The following SLC25A48 variants were observed in gnomAD, a reference collection of about 807,000 sequenced individuals.
The protein encoded by SLC25A48 is CTC-321K16.1.
In SLC25A48, 29 loss-of-function variants were observed where a neutral mutation model predicts 32.2. The ratio of observed to expected loss-of-function variants is 0.90; its 90% CI spans 0.67 to 1.23. SLC25A48 has a LOEUF of 1.23. SLC25A48 is among the 50% of genes most tolerant of loss of function. The probability of loss-of-function intolerance (pLI) is 0.00; values close to 1 mark genes in which losing one functional copy is unlikely to be tolerated. For missense variants in SLC25A48, 399 were observed against 422.7 expected, an observed-to-expected ratio of 0.94 and a Z score of 0.49; for synonymous variants, 164 against 172.3, an observed-to-expected ratio of 0.95 and a Z score of 0.38.
intron 1 of SLC25A48, among the ~76,000 whole-genome samples, chr5:135,602,662 G>A (rs1019215087): frequency 6.8e-6 from 1 of 146,008 alleles, no homozygotes. Context: ...TGTGCACAAC[G>A]TGCAGGTTTG....
intron 3 of SLC25A48, among the ~76,000 whole-genome samples, chr5:135,737,518 C>G (rs1755403641): frequency 6.6e-6 from 1 of 152,120 alleles, no homozygotes; most frequent in East Asian, 1.9e-4. Context: ...CTAGCTGAAC[C>G]CTGACCAAGC....
At chr5:135,839,813 T>C (rs1480756343) in intron 1 of SLC25A48, among the ~76,000 whole-genome samples, 1 of 152,184 alleles carries the variant, frequency 6.6e-6, no homozygotes, top group Non-Finnish European at 1.5e-5. Context: ...GTTCTTGTGG[T>C]AGTGAATGAG....
chr5:135,823,141 G>T (rs1236975444), intron 4 of SLC25A48, among the ~76,000 whole-genome samples: 2 of 152,120 alleles, frequency 1.3e-5, no homozygotes, highest in African/African-American at 4.8e-5. Context: ...AGGCCCAGGG[G>T]CTAGGGTGGG....
intron 3 of SLC25A48, among the ~76,000 whole-genome samples, chr5:135,673,594 G>T (rs1212507196): frequency 6.6e-6 from 1 of 151,970 alleles, no homozygotes; most frequent in Non-Finnish European, 1.5e-5. Context: ...AGTTGTAAGA[G>T]TTCTTTACAT....
At chr5:135,885,417 C>A (rs1011240863) in intron 7 of SLC25A48, among the ~76,000 whole-genome samples, 1 of 152,156 alleles carries the variant, frequency 6.6e-6, no homozygotes, top group African/African-American at 2.4e-5. Flanking sequence ...CTCTTACCCC[C>A]AGCATCACCA....
intron 3 of SLC25A48, among the ~76,000 whole-genome samples, chr5:135,719,083 A>G (rs188475411): frequency 5.3e-5 from 8 of 152,356 alleles, no homozygotes; most frequent in Admixed American, 2.0e-4. Flanking sequence ...AAAACTGGGT[A>G]AAGGGTACAC....
At chr5:135,746,204 T>G (rs1010113266) in intron 3 of SLC25A48, 1 of 160,650 alleles carries the variant, frequency 6.2e-6, no homozygotes, top group African/African-American at 2.4e-5. Context: ...TGTGCAGCCT[T>G]TTCCAGGCCT....
rs370337657 is a variant in SLC25A48 at position 135,612,079 on chromosome 5, A to G, written c.-848-17158A>G. Among the ~76,000 whole-genome samples the G allele has an allele frequency of 1.9e-4, 29 of 152,380 alleles. 1 individual carries two copies. The highest frequency in any genetic ancestry group is 6.7e-4 in the African/African-American group (28 of 41,594). ...TCAATATTAGCCACTTGAAAATGCTATAATACAAAATATTTCATTTTAATT... is the reference window on the plus strand; with the variant it reads ...TCAATATTAGCCACTTGAAAATGCTGTAATACAAAATATTTCATTTTAATT... On this transcript the variant is annotated intron_variant, in intron 1 of 10. Coordinates refer to the SLC25A48 transcript ENST00000646290.
chr5:135,883,360 C>T, intron 7 of SLC25A48: 1 of 985,476 alleles, frequency 1.0e-6, no homozygotes, highest in Non-Finnish European at 1.2e-6. Flanking sequence ...GTAAAATAGA[C>T]CCTCCCCCCA....
intron 1 of SLC25A48, among the ~76,000 whole-genome samples, chr5:135,624,076 T>G (rs1477416110): frequency 1.3e-5 from 2 of 152,164 alleles, no homozygotes; most frequent in Admixed American, 1.3e-4. Context: ...GGTTGTTCCA[T>G]GAAATGAGCA....
At chr5:135,859,257 G>T (rs951300549) in intron 4 of SLC25A48, among the ~76,000 whole-genome samples, 1 of 152,162 alleles carries the variant, frequency 6.6e-6, no homozygotes, top group Non-Finnish European at 1.5e-5. Context: ...ATGGCAGAAG[G>T]TGAAGGAGGA....
chr5:135,606,123 T>C (rs1046966718), intron 1 of SLC25A48, among the ~76,000 whole-genome samples: 1 of 152,182 alleles, frequency 6.6e-6, no homozygotes, highest in Non-Finnish European at 1.5e-5. Context: ...GACATGAAAC[T>C]AAGTCAGGGC....
At chr5:135,794,501 T>C (rs1202384604) in intron 3 of SLC25A48, among the ~76,000 whole-genome samples, 15 of 152,010 alleles carry the variant, frequency 9.9e-5, no homozygotes, top group African/African-American at 3.4e-4. Flanking sequence ...TCGCAGTGGG[T>C]GTACACCTTA....
chr5:135,730,233 C>T (rs1171268566), intron 3 of SLC25A48, among the ~76,000 whole-genome samples: 4 of 152,170 alleles, frequency 2.6e-5, no homozygotes, highest in Non-Finnish European at 5.9e-5. Flanking sequence ...GGCTGTGTCT[C>T]CACCCAAATA....
intron 3 of SLC25A48, among the ~76,000 whole-genome samples, chr5:135,756,561 C>T (rs1755911750): frequency 6.6e-6 from 1 of 152,064 alleles, no homozygotes; most frequent in South Asian, 2.1e-4. Context: ...ATCCCAGCTA[C>T]TCGGGAGGCT....
intron 3 of SLC25A48, among the ~76,000 whole-genome samples, chr5:135,770,153 TA>T (rs1375172196): frequency 6.6e-6 from 1 of 151,590 alleles, no homozygotes; most frequent in African/African-American, 2.4e-5. Context: ...AACATTTTCC[TA>T]ATATTCAGAA....
chr5:135,764,707 G>T (rs1316287958), intron 3 of SLC25A48, among the ~76,000 whole-genome samples: 2 of 145,990 alleles, frequency 1.4e-5, no homozygotes, highest in Non-Finnish European at 3.0e-5. Flanking sequence ...CATAATATCT[G>T]GGGGGGAGAG....
chr5:135,747,177 A>G (rs2127005384), intron 3 of SLC25A48, among the ~76,000 whole-genome samples: 1 of 152,036 alleles, frequency 6.6e-6, no homozygotes, highest in East Asian at 1.9e-4. Flanking sequence ...CCATGTGACC[A>G]TCTTCTTCCC....
In SLC25A48 at chr5:135,583,416, G is replaced by A. The variant is rs149051842; in HGVS notation, c.-849+3819G>A. Among the ~76,000 whole-genome samples, 556 of 152,164 alleles carry A rather than the reference G, an allele frequency of 3.7e-3. 2 individuals carry two copies. Among genetic ancestry groups the A allele is most frequent in the Non-Finnish European group, 6.7e-3 (453 of 67,978 alleles). ...TCAAGGCTGGTTTTCTGCCCTGGGAGCTGGGATCCAGGGCAATTCCTTCCC... is the reference window on the plus strand; with the variant it reads ...TCAAGGCTGGTTTTCTGCCCTGGGAACTGGGATCCAGGGCAATTCCTTCCC... On this transcript the variant is annotated intron_variant, in intron 1 of 10. Transcript: ENST00000646290.
Sources: gnomAD v4.1 joint callset for allele counts (sites outside exome capture counted in the v4.1 genomes callset) on GRCh38, gnomAD v4.1.1 for gene constraint, MANE v1.5 for transcripts, NCBI Gene and HGNC (gene_info 2026-07-23, HGNC 2026-07-21) for gene names.